EFL1: variants seen among roughly 807,000 people sequenced by gnomAD.
EFL1 encodes the protein elongation factor-like GTPase 1.
EFL1 carries 76 observed loss-of-function variants against 126.7 expected under a neutral mutation model. The observed-to-expected ratio is 0.60, with a 90% CI of 0.50 to 0.73. The LOEUF is 0.73. EFL1 is among the 30% of genes least tolerant of loss of function. EFL1 has a pLI of 0.00. For missense variants in EFL1, 1,128 were observed against 1,343.2 expected, an observed-to-expected ratio of 0.84 and a Z score of 2.50; for synonymous variants, 410 against 448.4, an observed-to-expected ratio of 0.91 and a Z score of 1.08.
chr15:82,177,364 G>A (rs1394752850), intron 15 of EFL1, among the ~76,000 whole-genome samples: 2 of 152,116 alleles, frequency 1.3e-5, no homozygotes, highest in Non-Finnish European at 2.9e-5. Flanking sequence ...GGCAGCAAAG[G>A]GGAGAGCACA....
At position 82,151,900 on chromosome 15, in the gene EFL1, C is replaced by A; in HGVS notation, c.2554G>T (p.Ala852Ser). 2 of 1,614,156 alleles carry A rather than the reference C, an allele frequency of 1.2e-6. No individual in the cohort carries two copies. Among genetic ancestry groups the A allele is most frequent in the South Asian group, 2.2e-5 (2 of 91,078 alleles). ...CTGGCTTCTTTTGAAGCTTTGTCAG[C>A]TGGACCTGTCCATACTGAGTTCTGA... The part of the protein sequence containing the change: ...DFQNSVWTGP[A>S]DKASKEASRY... The change falls in exon 18 of 20, where the codon GCT becomes TCT. Residue 852 changes from alanine (A) to serine (S), a missense_variant. This residue lies in a region of EFL1 where 561 missense variants were observed against 641.7 expected (regional missense o/e 0.87). Coordinates refer to ENST00000268206, the MANE Select transcript of EFL1 (RefSeq NM_024580.6).
chr15:82,253,164 C>T (rs1170172311), intron 3 of EFL1, among the ~76,000 whole-genome samples: 2 of 152,062 alleles, frequency 1.3e-5, no homozygotes, highest in East Asian at 1.9e-4. Flanking sequence ...TCAGGCCTCC[C>T]AAACAGCTGA....
chr15:82,170,242 G>C (rs1279360412), intron 15 of EFL1, among the ~76,000 whole-genome samples: 1 of 149,044 alleles, frequency 6.7e-6, no homozygotes, highest in Non-Finnish European at 1.5e-5. Flanking sequence ...AGCCTCCCAA[G>C]TAGCTGGGAC....
rs112392363 is a variant in EFL1 at position 82,150,497 on chromosome 15, A to T, written c.2989+968T>A. On this transcript the variant is annotated intron_variant, in intron 18 of 19. Transcript: ENST00000268206. ...AGGTGCTGTTCTGGGCACTGTATTT[A>T]AAAAAATTGTGTTATTTTAATCTTC... is the stretch of plus-strand genomic sequence containing the variant. Among the ~76,000 whole-genome samples, 756 of 152,266 alleles carry T rather than the reference A, an allele frequency of 5.0e-3. 11 individuals carry two copies. The highest frequency in any genetic ancestry group is 0.018 in the African/African-American group (728 of 41,552).
intron 15 of EFL1, among the ~76,000 whole-genome samples, chr15:82,206,040 A>T (rs2074521118): frequency 6.6e-6 from 1 of 152,236 alleles, no homozygotes; most frequent in Non-Finnish European, 1.5e-5. Flanking sequence ...GAGCTAAAGA[A>T]ATCAGTGGCT....
At position 82,229,021 on chromosome 15, in the gene EFL1, A is replaced by G. The variant is rs765913567; in HGVS notation, c.932+13T>C. The G allele has an allele frequency of 1.1e-5, 18 of 1,604,138 alleles. No individual in the cohort carries two copies. In the Admixed American group the frequency reaches 2.2e-4, roughly 20 times the overall value. ...GCCTAAAGATGCCTAAAGGTAAACAATAAGAGTCTTACTTTTTCAAAACAG... is the reference window on the plus strand; with the variant it reads ...GCCTAAAGATGCCTAAAGGTAAACAGTAAGAGTCTTACTTTTTCAAAACAG... On this transcript the variant is annotated intron_variant, in intron 9 of 19. Transcript: ENST00000268206.
At chr15:82,246,924 G>A (rs2074978116) in intron 4 of EFL1, among the ~76,000 whole-genome samples, 2 of 152,128 alleles carry the variant, frequency 1.3e-5, no homozygotes, top group African/African-American at 2.4e-5. Context: ...GCAGTCTGGA[G>A]GACCACTTGA....
chr15:82,156,844 A>G (rs972173747), intron 17 of EFL1, among the ~76,000 whole-genome samples: 3 of 152,250 alleles, frequency 2.0e-5, no homozygotes, highest in African/African-American at 7.2e-5. Flanking sequence ...ACAGAAATGT[A>G]TATTAACCAT....
chr15:82,222,396 G>GAAATTGAAGGA (rs2141305602), intron 12 of EFL1, among the ~76,000 whole-genome samples: 1 of 152,248 alleles, frequency 6.6e-6, no homozygotes, highest in East Asian at 1.9e-4. Context: ...CCTTCAAGAG[G>GAAATTGAAGGA]AATTAAAGAT....
chr15:82,185,230 C>T (rs999633875), intron 15 of EFL1, among the ~76,000 whole-genome samples: 10 of 148,214 alleles, frequency 6.7e-5, no homozygotes, highest in Admixed American at 6.1e-4. Context: ...CCTCAATTCA[C>T]GGAGTGAAAA....
In EFL1 at chr15:82,261,696, A is replaced by G; in HGVS notation, c.83T>C (p.Val28Ala). ...NIRNICVLAH[V>A]DHGKTTLADC... ...TTAAAAAGTATTCTTACCATGGTCA[A>G]CATGAGCCAAAACACAAATATTCCT... is the stretch of plus-strand genomic sequence containing the variant. The change falls in exon 2 of 20, where the codon GTT becomes GCT. Residue 28 changes from valine (V) to alanine (A), a missense_variant. Val to Ala is a moderately conservative substitution (Grantham distance 64). This residue lies in a region of EFL1 where 118 missense variants were observed against 188.1 expected (regional missense o/e 0.63). Coordinates refer to ENST00000268206, the MANE Select transcript of EFL1 (RefSeq NM_024580.6). 1.2e-6 allele frequency: 2 copies of G among 1,613,916 alleles called. No homozygotes were observed. Among genetic ancestry groups the G allele is most frequent in the Non-Finnish European group, 1.7e-6 (2 of 1,179,968 alleles).
chr15:82,240,740 T>C (rs1158345725), intron 5 of EFL1, among the ~76,000 whole-genome samples, 185 bp from the exon 6 acceptor site: 1 of 152,208 alleles, frequency 6.6e-6, no homozygotes, highest in African/African-American at 2.4e-5. Context: ...GTTGCCTTTA[T>C]GCAACTGACA....
intron 15 of EFL1, among the ~76,000 whole-genome samples, chr15:82,178,184 TG>T (rs1213542094): frequency 6.6e-6 from 1 of 152,212 alleles, no homozygotes; most frequent in Non-Finnish European, 1.5e-5. Context: ...AGAGCATCTT[TG>T]AAGAAGCTTT....
chr15:82,240,903 A>C (rs1396605018), intron 5 of EFL1, among the ~76,000 whole-genome samples: 1 of 152,174 alleles, frequency 6.6e-6, no homozygotes, highest in African/African-American at 2.4e-5. Context: ...TACAGAAATT[A>C]GCCAGGCATG....
intron 10 of EFL1, 66 bp from the exon 11 acceptor site, chr15:82,227,638 G>A (rs1052450236): frequency 1.9e-6 from 3 of 1,605,658 alleles, no homozygotes; most frequent in Non-Finnish European, 2.6e-6. Flanking sequence ...AAGATTCACT[G>A]TATGCACTAA....
chr15:82,212,689 G>A (rs180877692), intron 15 of EFL1, among the ~76,000 whole-genome samples: 28 of 152,262 alleles, frequency 1.8e-4, no homozygotes, highest in African/African-American at 6.5e-4. Context: ...AATGGAAGGC[G>A]AATGCAGCCA....
At chr15:82,131,477 G>A (rs780876333) in intron 19 of EFL1, among the ~76,000 whole-genome samples, 1 of 152,052 alleles carries the variant, frequency 6.6e-6, no homozygotes, top group African/African-American at 2.4e-5. Flanking sequence ...TTTTTTTCTG[G>A]AGGTGGTGGG....
At chr15:82,160,481 A>G (rs1353490372) in intron 16 of EFL1, among the ~76,000 whole-genome samples, 3 of 152,224 alleles carry the variant, frequency 2.0e-5, no homozygotes, top group African/African-American at 7.2e-5. Flanking sequence ...TCACAAATCA[A>G]TATTATCTAT....
intron 18 of EFL1, among the ~76,000 whole-genome samples, chr15:82,145,481 TA>T (rs2073834922): frequency 6.6e-6 from 1 of 151,780 alleles, no homozygotes; most frequent in African/African-American, 2.4e-5. Context: ...AAAATTATTT[TA>T]AAATAAAAAT....
Sources: gnomAD v4.1 joint callset for allele counts (sites outside exome capture counted in the v4.1 genomes callset) on GRCh38, gnomAD v4.1.1 for gene constraint, gnomAD v4.1.1 regional missense constraint, MANE v1.5 for transcripts, NCBI Gene and HGNC (gene_info 2026-07-23, HGNC 2026-07-21) for gene names.